The following NECAB1 variants were observed in gnomAD, a reference collection of about 807,000 sequenced individuals.
The protein encoded by NECAB1 is N-terminal EF-hand calcium binding protein 1, also known as N-terminal EF-hand calcium-binding protein 1.
In NECAB1, 29 loss-of-function variants were observed where a neutral mutation model predicts 57.5. That is an observed-to-expected ratio of 0.50 (90% CI 0.38 to 0.69). The LOEUF (loss-of-function observed/expected upper bound fraction) is 0.69, where lower values mean the gene tolerates loss of function less well. Among genes scored for constraint, NECAB1 ranks in the 30% least tolerant of loss-of-function variants. The pLI is 0.00. For missense variants in NECAB1, 372 were observed against 413.8 expected (o/e 0.90, Z 0.88); for synonymous variants, 142 against 147.7 (o/e 0.96, Z 0.28).
At chr8:90,932,412 C>CA (rs1318049948) in intron 8 of NECAB1, among the ~76,000 whole-genome samples, 5 of 151,328 alleles carry the variant, frequency 3.3e-5, no homozygotes, top group African/African-American at 1.2e-4. Flanking sequence ...AGAGACAGAC[C>CA]AAAAAAACAA....
At chr8:90,843,207 G>A (rs1235450635) in intron 3 of NECAB1, among the ~76,000 whole-genome samples, 5 of 152,220 alleles carry the variant, frequency 3.3e-5, no homozygotes, top group South Asian at 4.2e-4. Flanking sequence ...CCCGTGATTC[G>A]ATTACCTCCC....
chr8:90,913,477 A>G (rs979528768), intron 5 of NECAB1, among the ~76,000 whole-genome samples: 31 of 152,176 alleles, frequency 2.0e-4, no homozygotes, highest in African/African-American at 7.2e-4. Context: ...TTTGAAAAAA[A>G]AAAGAAGCAA....
intron 4 of NECAB1, among the ~76,000 whole-genome samples, chr8:90,878,603 T>G (rs1293588673): frequency 2.0e-5 from 3 of 152,228 alleles, no homozygotes; most frequent in Non-Finnish European, 2.9e-5. Context: ...ATGACTTAAG[T>G]ATTGTAATTC....
At chr8:90,822,341 C>T (rs1812156112) in intron 2 of NECAB1, among the ~76,000 whole-genome samples, 1 of 151,764 alleles carries the variant, frequency 6.6e-6, no homozygotes, top group Admixed American at 6.6e-5. Flanking sequence ...TTTTGTTTAA[C>T]ATTAAGGCTC....
At chr8:90,839,123 C>G (rs984842005) in intron 3 of NECAB1, among the ~76,000 whole-genome samples, 2 of 152,206 alleles carry the variant, frequency 1.3e-5, no homozygotes, top group African/African-American at 4.8e-5. Flanking sequence ...CTCTTAACTT[C>G]TAAATCAAAT....
intron 3 of NECAB1, among the ~76,000 whole-genome samples, chr8:90,845,247 C>G (rs1812533832): frequency 6.6e-6 from 1 of 152,190 alleles, no homozygotes; most frequent in African/African-American, 2.4e-5. Flanking sequence ...GTGACCAAGC[C>G]AAGCTGACAC....
chr8:90,826,172 G>A (rs997235501), intron 3 of NECAB1, among the ~76,000 whole-genome samples: 1 of 151,834 alleles, frequency 6.6e-6, no homozygotes, highest in Non-Finnish European at 1.5e-5. Context: ...AGTCCTGGAA[G>A]AAGAAGGTGA....
intron 3 of NECAB1, among the ~76,000 whole-genome samples, chr8:90,870,309 T>A (rs912390094): frequency 6.6e-6 from 1 of 152,192 alleles, no homozygotes; most frequent in African/African-American, 2.4e-5. Context: ...GGGGCCTGTT[T>A]AAAGTGCAAA....
intron 4 of NECAB1, among the ~76,000 whole-genome samples, chr8:90,880,452 A>C (rs1279420943): frequency 6.6e-6 from 1 of 152,100 alleles, no homozygotes; most frequent in African/African-American, 2.4e-5. Context: ...TTTTAATTTT[A>C]ATCACAAATC....
chr8:90,948,987 TG>T (rs1439074174), intron 10 of NECAB1, among the ~76,000 whole-genome samples: 1 of 152,240 alleles, frequency 6.6e-6, no homozygotes, highest in Non-Finnish European at 1.5e-5. Flanking sequence ...AAACATATTA[TG>T]TAGACTTTTT....
chr8:90,839,452 C>G (rs1812421217), intron 3 of NECAB1, among the ~76,000 whole-genome samples: 1 of 152,110 alleles, frequency 6.6e-6, no homozygotes, highest in African/African-American at 2.4e-5. Flanking sequence ...TGGTGGTAAA[C>G]AAGGGATTTA....
At chr8:90,906,885 A>ATATGTATATATATATATATATATATG (rs1554574058) in intron 5 of NECAB1, among the ~76,000 whole-genome samples, 1 of 120,924 alleles carries the variant, frequency 8.3e-6, no homozygotes, top group African/African-American at 3.5e-5. Flanking sequence ...ACATATATAT[A>ATATGTATATATATATATATATATATG]TATATATATA....
At chr8:90,918,059 G>C (rs1473213292) in intron 6 of NECAB1, among the ~76,000 whole-genome samples, 1 of 148,864 alleles carries the variant, frequency 6.7e-6, no homozygotes, top group Non-Finnish European at 1.5e-5. Context: ...ACCCAGGCTT[G>C]AGTGCAGTGG....
chr8:90,836,944 T>C (rs1812379015), intron 3 of NECAB1, among the ~76,000 whole-genome samples: 1 of 152,362 alleles, frequency 6.6e-6, no homozygotes, highest in East Asian at 1.9e-4. Flanking sequence ...TTTACTATGA[T>C]TGAGGAGCAT....
intron 3 of NECAB1, among the ~76,000 whole-genome samples, chr8:90,869,378 T>G (rs1334807043): frequency 6.6e-6 from 1 of 152,054 alleles, no homozygotes; most frequent in East Asian, 1.9e-4. Context: ...GAATGGTAAA[T>G]CCACTGACGA....
At chr8:90,794,106 A>G (rs932474411) in intron 1 of NECAB1, among the ~76,000 whole-genome samples, 2 of 151,982 alleles carry the variant, frequency 1.3e-5, no homozygotes, top group Admixed American at 6.6e-5. Flanking sequence ...TAGAGTCTAC[A>G]AAAAAAACCT....
In NECAB1 at chr8:90,940,834, G is replaced by T; in HGVS notation, c.796G>T (p.Glu266Ter). The change falls in exon 10 of 13, where the codon GAA (glutamate) becomes TAA (stop). Residue 266 changes from glutamate to a stop codon, truncating the protein, a stop_gained. Coordinates refer to ENST00000417640, the MANE Select transcript of NECAB1 (RefSeq NM_022351.5). LOFTEE classifies it high-confidence loss of function. Reference sequence around the variant, plus strand: ...GATGTCTGTGATAGAAGAGGACCTGGAAGAATTCCAGCTCGCTCTGAAACA... The same window carrying T: ...GATGTCTGTGATAGAAGAGGACCTGTAAGAATTCCAGCTCGCTCTGAAACA... ...RQMSVIEEDL[E>*]EFQLALKHYV... The T allele has an allele frequency of 6.4e-7, 1 of 1,565,330 alleles. No individual in the cohort carries two copies. Among genetic ancestry groups the T allele is most frequent in the South Asian group, 1.2e-5 (1 of 84,776 alleles).
intron 3 of NECAB1, among the ~76,000 whole-genome samples, chr8:90,866,658 C>T (rs1457156207): frequency 6.6e-6 from 1 of 152,030 alleles, no homozygotes; most frequent in Non-Finnish European, 1.5e-5. Flanking sequence ...AGTCACAATC[C>T]TTTGTTCTTA....
intron 3 of NECAB1, among the ~76,000 whole-genome samples, chr8:90,857,830 A>G (rs1292993877): frequency 6.6e-6 from 1 of 152,188 alleles, no homozygotes; most frequent in Non-Finnish European, 1.5e-5. Context: ...TTCAATTCTC[A>G]TACATTAGTT....
Sources: allele counts gnomAD v4.1 joint callset (sites outside exome capture counted in the v4.1 genomes callset), GRCh38; gene constraint gnomAD v4.1.1; transcripts MANE v1.5; gene names NCBI Gene and HGNC (gene_info 2026-07-23, HGNC 2026-07-21).